PTPRK: variants seen among roughly 807,000 people sequenced by gnomAD.
PTPRK encodes receptor-type tyrosine-protein phosphatase kappa.
A neutral mutation model predicts 178.0 loss-of-function variants in PTPRK; 75 were observed. The observed-to-expected ratio is 0.42, with a 90% CI of 0.35 to 0.51. The LOEUF is 0.51. PTPRK is among the 20% of genes least tolerant of loss of function. The probability of loss-of-function intolerance (pLI) is 0.02; values close to 1 mark genes in which losing one functional copy is unlikely to be tolerated. For synonymous variants in PTPRK, 637 were observed against 620.6 expected (o/e 1.03, Z -0.39); for missense variants, 1,441 against 1,797.8 (o/e 0.80, Z 3.59).
intron 3 of PTPRK, among the ~76,000 whole-genome samples, chr6:128,307,070 C>T (rs1466810080): frequency 6.7e-6 from 1 of 150,182 alleles, no homozygotes; most frequent in African/African-American, 2.5e-5. Context: ...AAACTGGTTC[C>T]ATTTTAGATA....
intron 7 of PTPRK, among the ~76,000 whole-genome samples, chr6:128,163,088 A>G (rs1208764786): frequency 6.6e-6 from 1 of 151,414 alleles, no homozygotes; most frequent in Non-Finnish European, 1.5e-5. Context: ...AAATGCAGTT[A>G]TCATTCTACC....
At chr6:128,383,177 C>T (rs1049355035) in intron 2 of PTPRK, among the ~76,000 whole-genome samples, 1 of 152,136 alleles carries the variant, frequency 6.6e-6, no homozygotes, top group Non-Finnish European at 1.5e-5. Context: ...AAATCGAAAT[C>T]AGTGCTTATT....
At chr6:128,271,679 G>A (rs1275891756) in intron 3 of PTPRK, among the ~76,000 whole-genome samples, 1 of 151,986 alleles carries the variant, frequency 6.6e-6, no homozygotes, top group Non-Finnish European at 1.5e-5. Context: ...CAGCACACTG[G>A]TGTTCTCAAC....
chr6:128,034,366 A>G (rs1352464892), intron 13 of PTPRK, among the ~76,000 whole-genome samples: 1 of 152,242 alleles, frequency 6.6e-6, no homozygotes, highest in Non-Finnish European at 1.5e-5. Context: ...CAGCATTTCA[A>G]CCACCACAAT....
intron 13 of PTPRK, chr6:128,062,844 A>G (rs1781095975): frequency 6.6e-6 from 1 of 151,704 alleles, no homozygotes; most frequent in Admixed American, 6.6e-5. Flanking sequence ...AAGCCTGGCT[A>G]ACATTTTTTT....
chr6:128,055,980 TTTTTC>T (rs1261580609), intron 13 of PTPRK, among the ~76,000 whole-genome samples: 5 of 150,612 alleles, frequency 3.3e-5, no homozygotes, highest in East Asian at 1.9e-4. Context: ...CTTTTTTTTC[TTTTTC>T]TTTTCTTTTT....
intron 3 of PTPRK, among the ~76,000 whole-genome samples, chr6:128,262,822 C>G (rs1263799684): frequency 2.4e-5 from 3 of 125,736 alleles, no homozygotes; most frequent in Non-Finnish European, 4.9e-5. Context: ...TTTTTTTTTT[C>G]CCAAGAATTT....
At chr6:128,054,046 C>T (rs1436193395) in intron 13 of PTPRK, among the ~76,000 whole-genome samples, 5 of 152,164 alleles carry the variant, frequency 3.3e-5, no homozygotes, top group African/African-American at 4.8e-5. Context: ...GCTTTCACTT[C>T]AAAAACTTTC....
chr6:128,434,535 TACTC>T (rs1029335516), intron 1 of PTPRK, among the ~76,000 whole-genome samples: 5 of 152,162 alleles, frequency 3.3e-5, no homozygotes, highest in African/African-American at 9.6e-5. Context: ...TCAGTTTACT[TACTC>T]AGTCATAGAA....
intron 3 of PTPRK, among the ~76,000 whole-genome samples, chr6:128,314,946 G>C (rs1459269450): frequency 6.6e-6 from 1 of 151,296 alleles, no homozygotes; most frequent in Non-Finnish European, 1.5e-5. Flanking sequence ...TTATTGTTCT[G>C]CTTACAATGG....
intron 18 of PTPRK, 47 bp from the exon 19 acceptor site, chr6:127,992,756 A>C: frequency 1.4e-6 from 2 of 1,429,956 alleles, no homozygotes; most frequent in Non-Finnish European, 1.9e-6. Flanking sequence ...CAATATCAGA[A>C]ATAAATGAAT....
At chr6:128,026,884 T>C (rs1774405545) in intron 13 of PTPRK, among the ~76,000 whole-genome samples, 1 of 152,128 alleles carries the variant, frequency 6.6e-6, no homozygotes, top group African/African-American at 2.4e-5. Flanking sequence ...CTAAATCCAT[T>C]TGCTGTGCTA....
At chr6:128,368,979 C>T (rs933033866) in intron 2 of PTPRK, among the ~76,000 whole-genome samples, 1 of 151,576 alleles carries the variant, frequency 6.6e-6, no homozygotes, top group Non-Finnish European at 1.5e-5. Context: ...ACAGCAATAA[C>T]AACAAAAAAA....
At chr6:128,132,811 C>T (rs1324215869) in intron 7 of PTPRK, among the ~76,000 whole-genome samples, 2 of 152,202 alleles carry the variant, frequency 1.3e-5, no homozygotes, top group Non-Finnish European at 2.9e-5. Flanking sequence ...GACAAACCAT[C>T]CTTCATGTCC....
rs137865395 is a variant in PTPRK at position 128,467,601 on chromosome 6, G to A, written c.100+52658C>T. Among the ~76,000 whole-genome samples the A allele has an allele frequency of 2.7e-3, 411 of 152,260 alleles. 2 individuals carry two copies. The highest frequency in any genetic ancestry group is 0.01 in the Middle Eastern group (3 of 294). On this transcript the variant is annotated intron_variant, in intron 1 of 29. Transcript: ENST00000368226. Reference sequence around the variant, plus strand: ...TCATATTTCAGCAAAATTCAATACCGGTGATCACTTACTTCTCTTCATGTT... The same window carrying A: ...TCATATTTCAGCAAAATTCAATACCAGTGATCACTTACTTCTCTTCATGTT...
chr6:128,036,895 C>A (rs1033691866), intron 13 of PTPRK, among the ~76,000 whole-genome samples: 3 of 152,082 alleles, frequency 2.0e-5, no homozygotes, highest in African/African-American at 7.2e-5. Flanking sequence ...CCATGCCCAG[C>A]TAATTTTTGT....
intron 3 of PTPRK, among the ~76,000 whole-genome samples, chr6:128,312,580 G>A (rs1827398045): frequency 6.6e-6 from 1 of 152,116 alleles, no homozygotes; most frequent in Non-Finnish European, 1.5e-5. Flanking sequence ...ATCTCTCTCA[G>A]AAGACTTTCT....
At chr6:128,172,176 A>C (rs898395273) in intron 7 of PTPRK, among the ~76,000 whole-genome samples, 2 of 151,980 alleles carry the variant, frequency 1.3e-5, no homozygotes, top group African/African-American at 4.8e-5. Flanking sequence ...CATCATACTT[A>C]AGGACTGGAA....
chr6:128,357,269 C>T (rs1322828496), intron 2 of PTPRK, among the ~76,000 whole-genome samples: 2 of 152,146 alleles, frequency 1.3e-5, no homozygotes, highest in Admixed American at 6.6e-5. Context: ...TCAGCTCACT[C>T]GGTAGGTATA....
Sources: allele counts gnomAD v4.1 joint callset (sites outside exome capture counted in the v4.1 genomes callset), GRCh38; gene constraint gnomAD v4.1.1; transcripts MANE v1.5; gene names NCBI Gene and HGNC (gene_info 2026-07-23, HGNC 2026-07-21).